UACA: variants seen among roughly 807,000 people sequenced by gnomAD.
The protein encoded by UACA is nuclear membrane binding protein.
Under a neutral mutation model 160.5 loss-of-function variants are expected in UACA, and 112 were observed. The ratio of observed to expected loss-of-function variants is 0.70; its 90% CI spans 0.60 to 0.82. The LOEUF (loss-of-function observed/expected upper bound fraction) is 0.82. Among genes scored for constraint, UACA ranks in the 40% least tolerant of loss-of-function variants. UACA has a pLI of 0.00. For missense variants in UACA, 1,574 were observed against 1,614.6 expected, an observed-to-expected ratio of 0.97 and a Z score of 0.43; for synonymous variants, 557 against 568.4, an observed-to-expected ratio of 0.98 and a Z score of 0.29.
intron 1 of UACA, among the ~76,000 whole-genome samples, chr15:70,730,083 G>A (rs1171229631): frequency 4.9e-5 from 1 of 20,590 alleles, no homozygotes; most frequent in African/African-American, 2.9e-4. Flanking sequence ...AACGCAGAGC[G>A]CCTCTCCTCC....
intron 1 of UACA, among the ~76,000 whole-genome samples, chr15:70,707,496 C>T (rs930290249): frequency 2.6e-5 from 4 of 151,904 alleles, no homozygotes; most frequent in East Asian, 1.9e-4. Flanking sequence ...CTACAGAATG[C>T]GCAGAAATAT....
At chr15:70,698,687 A>T (rs1898220015) in intron 2 of UACA, among the ~76,000 whole-genome samples, 1 of 152,194 alleles carries the variant, frequency 6.6e-6, no homozygotes, top group South Asian at 2.1e-4. Context: ...TCCAGTTATA[A>T]TATTCTGAAT....
rs574538136 is a variant in UACA, at chr15:70,760,959, G to A, written c.78+2371C>T. 1.1e-4 allele frequency among the ~76,000 whole-genome samples: 17 copies of A among 152,284 alleles called. No homozygotes were observed. In the East Asian group the frequency reaches 3.3e-3, roughly 29 times the overall value. ...TTCCATGATGCATGAAAGGAAACTT[G>A]ACAACATCCTTCAAAATTACAAATG... On this transcript the variant is annotated intron_variant, in intron 1 of 18. Transcript: ENST00000322954.
chr15:70,680,848 G>A (rs1309394045), intron 9 of UACA, among the ~76,000 whole-genome samples: 1 of 152,230 alleles, frequency 6.6e-6, no homozygotes, highest in Admixed American at 6.5e-5. Context: ...TGATTGGGGT[G>A]CACACGTCCT....
At chr15:70,699,827 CAG>C (rs941402250) in intron 1 of UACA, among the ~76,000 whole-genome samples, 167 bp from the exon 2 acceptor site, 2 of 151,956 alleles carry the variant, frequency 1.3e-5, no homozygotes, top group Admixed American at 1.3e-4. Flanking sequence ...ATTAGGAGAG[CAG>C]AGTTATAAAA....
chr15:70,703,180 C>CTGT (rs113551614), intron 1 of UACA: 2 of 1,289,018 alleles, frequency 1.6e-6, no homozygotes, highest in Admixed American at 2.3e-5. Context: ...TTTGTGGTGG[C>CTGT]TGTTGTTGTT....
intron 1 of UACA, among the ~76,000 whole-genome samples, chr15:70,743,044 C>A (rs1263454661): frequency 6.6e-6 from 1 of 152,104 alleles, no homozygotes; most frequent in Non-Finnish European, 1.5e-5. Flanking sequence ...TGGTTGTTGG[C>A]AGAATTCAGT....
chr15:70,755,870 C>T (rs1567002228), intron 1 of UACA, among the ~76,000 whole-genome samples: 1 of 152,072 alleles, frequency 6.6e-6, no homozygotes, highest in Non-Finnish European at 1.5e-5. Context: ...CAGCTCCATA[C>T]CACTGCATTT....
In UACA at chr15:70,747,463, A is replaced by G. The variant is rs1017287862; in HGVS notation, c.78+15867T>C. ...TGGCTCACTTCAGCCTCAACCTCCT[A>G]AACTCAAGGGATTCTCCTGCCTCAG... On this transcript the variant is annotated intron_variant, in intron 1 of 18. Coordinates refer to ENST00000322954, the MANE Select transcript of UACA (RefSeq NM_018003.4). Among the ~76,000 whole-genome samples, 6 of 152,074 alleles carry G rather than the reference A, an allele frequency of 3.9e-5. No individual in the cohort carries two copies. In the East Asian group the frequency reaches 1.2e-3, roughly 29 times the overall value.
chr15:70,711,988 T>C (rs1378119390), intron 1 of UACA, among the ~76,000 whole-genome samples: 1 of 150,878 alleles, frequency 6.6e-6, no homozygotes, highest in African/African-American at 2.4e-5. Context: ...TATGTATCAA[T>C]TAAAAGCTAC....
intron 2 of UACA, among the ~76,000 whole-genome samples, chr15:70,695,509 G>A (rs1898097998): frequency 6.6e-6 from 1 of 152,148 alleles, no homozygotes; most frequent in South Asian, 2.1e-4. Context: ...TTAGCAGAAT[G>A]CTGAGGCCAA....
rs1897008797 is a variant in UACA, at chr15:70,668,340, T to A, written c.2344A>T (p.Met782Leu). ...TQKYTEKKLEMEKLLLENDSL... is the reference protein window; with the variant it reads ...TQKYTEKKLELEKLLLENDSL... ...TCATTTTCCAGTAGCAATTTCTCCA[T>A]TTCCAACTTCTTTTCTGTATATTTT... The change falls in exon 16 of 19, where the codon ATG becomes TTG. Residue 782 changes from methionine (M) to leucine (L), a missense_variant. Physicochemically the swap from Met to Leu is conservative, Grantham distance 15. Coordinates refer to ENST00000322954, the MANE Select transcript of UACA (RefSeq NM_018003.4). 6.2e-7 allele frequency: 1 copy of A among 1,610,208 alleles called. No individual in the cohort carries two copies. The highest frequency in any genetic ancestry group is 8.5e-7 in the Non-Finnish European group (1 of 1,179,184).
chr15:70,762,614 G>A (rs921737879), intron 1 of UACA, among the ~76,000 whole-genome samples: 2 of 152,186 alleles, frequency 1.3e-5, no homozygotes, highest in Non-Finnish European at 2.9e-5. Flanking sequence ...CACCGAAAGA[G>A]CCCCGCACGG....
intron 1 of UACA, among the ~76,000 whole-genome samples, chr15:70,757,020 T>C (rs1223388847): frequency 6.6e-6 from 1 of 152,248 alleles, no homozygotes; most frequent in African/African-American, 2.4e-5. Flanking sequence ...TTTTACTTTT[T>C]ACAAGTAGTT....
chr15:70,665,826 T>TTTA, intron 16 of UACA, among the ~76,000 whole-genome samples: 1 of 152,292 alleles, frequency 6.6e-6, no homozygotes, highest in South Asian at 2.1e-4. Context: ...TGTGTCTGTG[T>TTTA]TTACTCCACT....
At chr15:70,736,441 T>G (rs982442750) in intron 1 of UACA, among the ~76,000 whole-genome samples, 2 of 152,112 alleles carry the variant, frequency 1.3e-5, no homozygotes, top group African/African-American at 4.8e-5. Context: ...CAACATGCTT[T>G]TTTTGGGGGG....
intron 17 of UACA, chr15:70,660,988 T>C (rs1441143493): frequency 6.6e-6 from 1 of 152,234 alleles, no homozygotes; most frequent in Non-Finnish European, 1.5e-5. Context: ...GTCCTATCCA[T>C]GGTTTCAGGC....
intron 1 of UACA, among the ~76,000 whole-genome samples, chr15:70,710,341 T>C (rs1898646521): frequency 6.6e-6 from 1 of 152,218 alleles, no homozygotes; most frequent in Non-Finnish European, 1.5e-5. Context: ...AAGCACTCTG[T>C]GAGATAGGAA....
chr15:70,749,873 AAAAAT>A (rs2141010578), intron 1 of UACA, among the ~76,000 whole-genome samples: 1 of 152,314 alleles, frequency 6.6e-6, no homozygotes, highest in South Asian at 2.1e-4. Context: ...GCACTTCAAA[AAAAAT>A]AAAATAAAAA....
Sources: gnomAD v4.1 joint callset for allele counts (sites outside exome capture counted in the v4.1 genomes callset) on GRCh38, gnomAD v4.1.1 for gene constraint, MANE v1.5 for transcripts, NCBI Gene and HGNC (gene_info 2026-07-23, HGNC 2026-07-21) for gene names.